The following GBE1 variants were observed in gnomAD, a reference collection of about 807,000 sequenced individuals.
The protein encoded by GBE1 is 1,4-alpha-glucan-branching enzyme.
GBE1 carries 70 observed loss-of-function variants against 88.8 expected under a neutral mutation model. That is an observed-to-expected ratio of 0.79 (90% confidence interval 0.65 to 0.96). The LOEUF (loss-of-function observed/expected upper bound fraction) is 0.96, where lower values mean the gene tolerates loss of function less well. GBE1 is among the 40% of genes least tolerant of loss of function. The pLI is 0.00. For missense variants in GBE1, 872 were observed against 871.0 expected (o/e 1.00, Z -0.01); for synonymous variants, 284 against 300.1 (o/e 0.95, Z 0.56).
At chr3:81,730,660 T>C (rs1191516514) in intron 1 of GBE1, among the ~76,000 whole-genome samples, 4 of 152,154 alleles carry the variant, frequency 2.6e-5, no homozygotes, top group African/African-American at 4.8e-5. Context: ...TCAGAAAATA[T>C]ACCAGAAAGC....
chr3:81,631,887 G>T (rs1257436500), intron 7 of GBE1, among the ~76,000 whole-genome samples: 2 of 152,064 alleles, frequency 1.3e-5, no homozygotes, highest in Admixed American at 1.3e-4. Context: ...ATGTGCCGTG[G>T]TCATCTACAT....
chr3:81,588,777 C>T (rs13100925), intron 9 of GBE1, among the ~76,000 whole-genome samples: 1 of 152,042 alleles, frequency 6.6e-6, no homozygotes, highest in Non-Finnish European at 1.5e-5. Context: ...CTATATAAAC[C>T]TCTAATTTTA....
intron 7 of GBE1, among the ~76,000 whole-genome samples, chr3:81,609,555 G>A (rs1704145170): frequency 6.6e-6 from 1 of 151,870 alleles, no homozygotes; most frequent in African/African-American, 2.4e-5. Context: ...TAGGATTTTG[G>A]GGGTTTTTTT....
chr3:81,594,703 G>C (rs1443513945), intron 7 of GBE1, among the ~76,000 whole-genome samples: 1 of 151,944 alleles, frequency 6.6e-6, no homozygotes, highest in African/African-American at 2.4e-5. Context: ...AGTTTTATGA[G>C]TTTAAGAGTC....
chr3:81,515,702 T>C (rs1702789352), intron 14 of GBE1, among the ~76,000 whole-genome samples: 1 of 151,582 alleles, frequency 6.6e-6, no homozygotes, highest in Non-Finnish European at 1.5e-5. Context: ...GTTAGCCAAG[T>C]TGTGAACGCA....
At chr3:81,511,280 G>A (rs1453424429) in intron 14 of GBE1, among the ~76,000 whole-genome samples, 4 of 151,872 alleles carry the variant, frequency 2.6e-5, no homozygotes, top group Admixed American at 1.3e-4. Context: ...AACAATTTAT[G>A]GCTAACTCAT....
At chr3:81,645,953 G>T (rs554440212) in intron 6 of GBE1, among the ~76,000 whole-genome samples, 1 of 152,256 alleles carries the variant, frequency 6.6e-6, no homozygotes, top group Admixed American at 6.5e-5. Flanking sequence ...TGTCCAGAGA[G>T]AATTATTCCA....
intron 1 of GBE1, among the ~76,000 whole-genome samples, chr3:81,747,665 C>A (rs954783755): frequency 5.3e-5 from 8 of 152,206 alleles, no homozygotes; most frequent in Admixed American, 4.6e-4. Flanking sequence ...AGGCCCTGCC[C>A]CGCCTTAGCT....
chr3:81,760,972 G>T (rs1706672386), intron 1 of GBE1, among the ~76,000 whole-genome samples: 1 of 152,244 alleles, frequency 6.6e-6, no homozygotes, highest in South Asian at 2.1e-4. Context: ...AATTACACGT[G>T]CCAGGAGTTA....
At chr3:81,710,596 T>C (rs574796830) in intron 1 of GBE1, among the ~76,000 whole-genome samples, 8 of 152,234 alleles carry the variant, frequency 5.3e-5, no homozygotes, top group African/African-American at 1.9e-4. Flanking sequence ...CCTAATTTTT[T>C]TAACATGTTA....
chr3:81,511,158 C>T (rs1285037165), intron 14 of GBE1, among the ~76,000 whole-genome samples: 2 of 151,978 alleles, frequency 1.3e-5, no homozygotes, highest in Non-Finnish European at 2.9e-5. Flanking sequence ...CGACCTTTCA[C>T]CATATACAAA....
chr3:81,538,738 A>T (rs1219735732), intron 12 of GBE1, among the ~76,000 whole-genome samples: 1 of 152,020 alleles, frequency 6.6e-6, no homozygotes, highest in Non-Finnish European at 1.5e-5. Flanking sequence ...GGGAACAAGT[A>T]TATGTCCACA....
chr3:81,624,574 A>G (rs895241158), intron 7 of GBE1, among the ~76,000 whole-genome samples: 4 of 152,182 alleles, frequency 2.6e-5, no homozygotes, highest in African/African-American at 9.7e-5. Context: ...TGAGATTATG[A>G]ATTTCTGAAA....
At chr3:81,529,946 T>C (rs1483352095) in intron 14 of GBE1, among the ~76,000 whole-genome samples, 1 of 152,004 alleles carries the variant, frequency 6.6e-6, no homozygotes, top group Non-Finnish European at 1.5e-5. Context: ...CTCCATCCTC[T>C]TTAAGGCCAA....
chr3:81,558,509 A>G (rs1342649560), intron 12 of GBE1, among the ~76,000 whole-genome samples: 1 of 152,044 alleles, frequency 6.6e-6, no homozygotes, highest in Admixed American at 6.6e-5. Flanking sequence ...CTAATTAGCA[A>G]AATTCAAAAA....
chr3:81,541,339 A>T (rs1368796314), intron 12 of GBE1, among the ~76,000 whole-genome samples: 2 of 151,674 alleles, frequency 1.3e-5, no homozygotes, highest in African/African-American at 4.8e-5. Context: ...GGGTTCATGG[A>T]CTCCATAAAA....
chr3:81,614,016 A>T (rs1166394767), intron 7 of GBE1, among the ~76,000 whole-genome samples: 1 of 151,808 alleles, frequency 6.6e-6, no homozygotes. Context: ...GTGAACCCCA[A>T]AATCTGAGTT....
chr3:81,495,791 G>A (rs769777067), intron 15 of GBE1, among the ~76,000 whole-genome samples: 1 of 152,016 alleles, frequency 6.6e-6, no homozygotes, highest in African/African-American at 2.4e-5. Context: ...TACAACTGAG[G>A]GGCAATAAAA....
At position 81,536,947 on chromosome 3, in the gene GBE1, T is replaced by A. The variant is rs781301815; in HGVS notation, c.1767A>T (p.Arg589Ser). The A allele has an allele frequency of 1.2e-5, 19 of 1,583,344 alleles. No homozygotes were observed. The highest frequency in any genetic ancestry group is 1.6e-5 in the Non-Finnish European group (19 of 1,167,246). ...CAAGCCAACCATATCTTTCTTCCAATCTATTCATATCCCTGTCAAAATTAT... is the reference window on the plus strand; with the variant it reads ...CAAGCCAACCATATCTTTCTTCCAAACTATTCATATCCCTGTCAAAATTAT... ...FLNNFDRDMN[R>S]LEERYGWLAA... The change falls in exon 13 of 16, where the codon AGA (arginine) becomes AGT (serine). Residue 589 changes from arginine to serine, a missense_variant. Physicochemically the swap from Arg to Ser is moderately radical, Grantham distance 110 (BLOSUM62 -1). Transcript: ENST00000429644.
Sources: gnomAD v4.1 joint callset for allele counts (sites outside exome capture counted in the v4.1 genomes callset) on GRCh38, gnomAD v4.1.1 for gene constraint, MANE v1.5 for transcripts, NCBI Gene and HGNC (gene_info 2026-07-23, HGNC 2026-07-21) for gene names.